Variants in TIMD4 observed in about 807,000 individuals in gnomAD.
TIMD4 encodes the protein T-cell immunoglobulin and mucin domain-containing protein 4.
TIMD4 carries 31 observed loss-of-function variants against 41.2 expected under a neutral mutation model. The observed-to-expected ratio is 0.75, with a 90% CI of 0.57 to 1.01. The LOEUF is 1.01. Among genes scored for constraint, TIMD4 ranks in the 50% least tolerant of loss-of-function variants. The probability of loss-of-function intolerance (pLI) is 0.00; values close to 1 mark genes in which losing one functional copy is unlikely to be tolerated. For synonymous variants in TIMD4, 204 were observed against 177.1 expected, an observed-to-expected ratio of 1.15 and a Z score of -1.21; for missense variants, 479 against 472.5, an observed-to-expected ratio of 1.01 and a Z score of -0.13.
At chr5:156,950,832 G>A (rs561410896) in intron 3 of TIMD4, among the ~76,000 whole-genome samples, 1 of 152,174 alleles carries the variant, frequency 6.6e-6, no homozygotes, top group Non-Finnish European at 1.5e-5. Flanking sequence ...AATGGAACTG[G>A]AGTCTGACCA....
intron 1 of TIMD4, among the ~76,000 whole-genome samples, chr5:156,958,984 C>T (rs1188351748): frequency 6.6e-6 from 1 of 152,064 alleles, no homozygotes; most frequent in Non-Finnish European, 1.5e-5. Context: ...AAAACAATTT[C>T]CTTTGTTTTT....
intron 2 of TIMD4, among the ~76,000 whole-genome samples, chr5:156,952,465 G>A (rs989105134): frequency 2.0e-5 from 3 of 151,532 alleles, no homozygotes; most frequent in African/African-American, 7.3e-5. Context: ...ACCCGCCCCC[G>A]CTATCACTTT....
chr5:156,920,556 G>T (rs1759218027), intron 7 of TIMD4, 53 bp from the exon 8 acceptor site: 1 of 1,585,648 alleles, frequency 6.3e-7, no homozygotes, highest in Non-Finnish European at 8.7e-7. Context: ...CATAGAACAT[G>T]CAAAATGCTG....
intron 8 of TIMD4, among the ~76,000 whole-genome samples, chr5:156,919,929 A>G (rs1024606427): frequency 2.0e-5 from 3 of 152,212 alleles, no homozygotes; most frequent in African/African-American, 7.2e-5. Flanking sequence ...TTAATAATTT[A>G]TGCCTTTTTT....
At chr5:156,958,075 C>A (rs1760007802) in intron 1 of TIMD4, among the ~76,000 whole-genome samples, 1 of 151,990 alleles carries the variant, frequency 6.6e-6, no homozygotes, top group South Asian at 2.1e-4. Flanking sequence ...AGTTCGAGAC[C>A]AGCCTGGCCA....
At chr5:156,960,900 T>C (rs1760068988) in intron 1 of TIMD4, among the ~76,000 whole-genome samples, 1 of 152,182 alleles carries the variant, frequency 6.6e-6, no homozygotes, top group South Asian at 2.1e-4. Context: ...TGCGAACTCA[T>C]AGCAGAAACA....
At chr5:156,943,950 C>T (rs1218755391) in intron 5 of TIMD4, among the ~76,000 whole-genome samples, 1 of 150,932 alleles carries the variant, frequency 6.6e-6, no homozygotes, top group African/African-American at 2.4e-5. Flanking sequence ...GTCCCAGTTA[C>T]TCAGGAGGCT....
chr5:156,933,248 G>A (rs1017577865), intron 5 of TIMD4, among the ~76,000 whole-genome samples: 4 of 152,144 alleles, frequency 2.6e-5, no homozygotes, highest in Admixed American at 2.0e-4. Flanking sequence ...CAAGGGTGGT[G>A]ACTCATGCCT....
intron 5 of TIMD4, among the ~76,000 whole-genome samples, chr5:156,943,778 G>A: frequency 6.6e-6 from 1 of 152,036 alleles, no homozygotes; most frequent in East Asian, 1.9e-4. Context: ...CCAGCTGGGT[G>A]CAGAGGCTCA....
chr5:156,934,164 T>C (rs2113356567), intron 5 of TIMD4, among the ~76,000 whole-genome samples: 1 of 152,374 alleles, frequency 6.6e-6, no homozygotes, highest in Admixed American at 6.5e-5. Flanking sequence ...TGCTTTAAAA[T>C]TAGCAGAGAC....
At chr5:156,924,423 C>T in intron 6 of TIMD4, 1 of 467,622 alleles carries the variant, frequency 2.1e-6, no homozygotes, top group South Asian at 1.7e-5. Flanking sequence ...CTATGAATAT[C>T]TCCAAAATGC....
At chr5:156,933,216 G>A (rs1759475206) in intron 5 of TIMD4, among the ~76,000 whole-genome samples, 1 of 152,036 alleles carries the variant, frequency 6.6e-6, no homozygotes, top group African/African-American at 2.4e-5. Flanking sequence ...CTATTGTTAT[G>A]AGGAAAATTA....
At position 156,922,142 on chromosome 5, in the gene TIMD4, C is replaced by A; in HGVS notation, c.969G>T (p.Leu323Phe). 3 of 1,613,980 alleles carry A rather than the reference C, an allele frequency of 1.9e-6. No homozygotes were observed. The highest frequency in any genetic ancestry group is 2.5e-6 in the Non-Finnish European group (3 of 1,179,936). ...SQLLMIIAPSLGFVLFALFVA... is the reference protein window; with the variant it reads ...SQLLMIIAPSFGFVLFALFVA... ...CAAACAATGCGAAGAGCACAAATCCCAAGGAGGGGGCGATGATCATCAGTA... is the reference window on the plus strand; with the variant it reads ...CAAACAATGCGAAGAGCACAAATCCAAAGGAGGGGGCGATGATCATCAGTA... The change falls in exon 7 of 9, where the codon TTG becomes TTT. Residue 323 changes from leucine to phenylalanine, a missense_variant. Coordinates refer to ENST00000274532, the MANE Select transcript of TIMD4 (RefSeq NM_138379.3).
chr5:156,937,769 GA>G (rs920275166), intron 5 of TIMD4, among the ~76,000 whole-genome samples: 4 of 152,182 alleles, frequency 2.6e-5, no homozygotes, highest in Non-Finnish European at 5.9e-5. Flanking sequence ...TGGTAGACTA[GA>G]ATGCTATTGT....
In TIMD4 at chr5:156,954,468, A is replaced by G; in HGVS notation, c.347T>C (p.Val116Ala). 1 of 1,614,160 alleles carries G rather than the reference A, an allele frequency of 6.2e-7. No individual in the cohort carries two copies. The highest frequency in any genetic ancestry group is 2.2e-5 in the East Asian group (1 of 44,880). ...DSGVYCCRIE[V>A]PGWFNDVKIN... ...CTTTACATCGTTGAACCAGCCAGGCACTTCTATGCGGCAGCAGTACACACC... is the reference window on the plus strand; with the variant it reads ...CTTTACATCGTTGAACCAGCCAGGCGCTTCTATGCGGCAGCAGTACACACC... The change falls in exon 2 of 9, where the codon GTG becomes GCG. Residue 116 changes from valine to alanine, a missense_variant. Val to Ala is a moderately conservative substitution (Grantham distance 64, BLOSUM62 0). Transcript: ENST00000274532.
At chr5:156,928,738 G>A (rs1025590987) in intron 5 of TIMD4, among the ~76,000 whole-genome samples, 4 of 152,294 alleles carry the variant, frequency 2.6e-5, no homozygotes, top group African/African-American at 4.8e-5. Flanking sequence ...TAGGAACAAA[G>A]GGGAAATTCA....
chr5:156,951,686 T>A lies in TIMD4; in HGVS notation c.505A>T (p.Thr169Ser). Residue 169 changes from threonine (T) to serine (S), a missense_variant, in exon 3 of 9, where the codon ACA becomes TCA. By Grantham distance (58) the Thr-to-Ser change is moderately conservative. Coordinates refer to ENST00000274532, the MANE Select transcript of TIMD4 (RefSeq NM_138379.3). ...QMTTTPAALP[T>S]TVVTTPDLTT... is the part of the protein sequence containing the mutation. ...AGATCGGGTGTGGTCACGACTGTTG[T>A]TGGAAGTGCAGCTGGGGTTGTTGTC... 4 of 1,614,054 alleles carry A rather than the reference T, an allele frequency of 2.5e-6. No homozygotes were observed. The highest frequency in any genetic ancestry group is 2.2e-5 in the South Asian group (2 of 91,062).
chr5:156,927,145 C>T (rs976147190), intron 5 of TIMD4, among the ~76,000 whole-genome samples: 6 of 152,212 alleles, frequency 3.9e-5, no homozygotes, highest in African/African-American at 1.4e-4. Flanking sequence ...TTCAGCTCAA[C>T]TTTGTAGTTC....
At chr5:156,948,258 A>T (rs1030579807) in intron 5 of TIMD4, among the ~76,000 whole-genome samples, 158 bp downstream of exon 5, 1 of 151,574 alleles carries the variant, frequency 6.6e-6, no homozygotes, top group African/African-American at 2.4e-5. Context: ...AGGCCAAGGC[A>T]GGAGGATCAC....
Sources: allele counts gnomAD v4.1 joint callset (sites outside exome capture counted in the v4.1 genomes callset), GRCh38; gene constraint gnomAD v4.1.1; transcripts MANE v1.5; gene names NCBI Gene and HGNC (gene_info 2026-07-23, HGNC 2026-07-21).